GPHN: variants seen among roughly 807,000 people sequenced by gnomAD.
GPHN encodes gephyrin.
A neutral mutation model predicts 95.5 loss-of-function variants in GPHN; 17 were observed. That is an observed-to-expected ratio of 0.18 (90% confidence interval 0.12 to 0.27). The LOEUF (loss-of-function observed/expected upper bound fraction) is 0.27, where lower values mean the gene tolerates loss of function less well. GPHN is among the 10% of genes least tolerant of loss of function. The pLI is 1.00. For missense variants in GPHN, 660 were observed against 978.1 expected (o/e 0.67, Z 4.34); for synonymous variants, 320 against 322.5 (o/e 0.99, Z 0.08).
chr14:67,490,624 T>C, the GPHN span, among the ~76,000 whole-genome samples: 1 of 152,146 alleles, frequency 6.6e-6, no homozygotes. Context: ...TATAACTATT[T>C]AAGGTAAGCT....
chr14:67,340,242 C>A, the GPHN span: 1 of 499,680 alleles, frequency 2.0e-6, no homozygotes, highest in East Asian at 3.1e-5. Flanking sequence ...TTTGGAAATG[C>A]CATGTTATAG....
At position 67,121,578 on chromosome 14, in the gene GPHN, A is replaced by G. The variant is rs556704654; in HGVS notation, c.1627-678A>G. ...GAATCCAAAGCTCTTCCTACTCTAC[A>G]ATCTGACTACCTCATTGGAACATCC... On this transcript the variant is annotated intron_variant, in intron 16 of 22. Coordinates refer to ENST00000478722, the MANE Select transcript of GPHN (RefSeq NM_020806.5). 6.2e-4 allele frequency among the ~76,000 whole-genome samples: 94 copies of G among 152,288 alleles called. No individual in the cohort carries two copies. In the Middle Eastern group the frequency reaches 0.027, roughly 44 times the overall value.
the GPHN span, chr14:67,446,146 C>T: frequency 2.2e-6 from 1 of 459,144 alleles, no homozygotes; most frequent in Admixed American, 2.6e-5. Context: ...CCAGTTTTAG[C>T]TTGGCTTTTT....
the GPHN span, among the ~76,000 whole-genome samples, chr14:67,529,562 C>T: frequency 7.3e-4 from 111 of 152,250 alleles, no homozygotes; most frequent in African/African-American, 2.3e-3. Context: ...CACATATACA[C>T]GCTCACACAC....
At chr14:66,539,272 A>G (rs2059258006) in intron 1 of GPHN, among the ~76,000 whole-genome samples, 2 of 151,662 alleles carry the variant, frequency 1.3e-5, no homozygotes, top group African/African-American at 4.8e-5. Flanking sequence ...ACTGAGGGAG[A>G]TTTCACTCTG....
chr14:67,729,314 G>C, the GPHN span: 1 of 1,600,866 alleles, frequency 6.2e-7, no homozygotes, highest in Non-Finnish European at 8.5e-7. Flanking sequence ...GCACGGGAGG[G>C]GGCGCAGACC....
At chr14:67,715,244 T>C in the GPHN span, 2 of 151,908 alleles carry the variant, frequency 1.3e-5, no homozygotes, top group African/African-American at 4.8e-5. Context: ...GCCCCCTAAA[T>C]TGAATAGACT....
intron 10 of GPHN, among the ~76,000 whole-genome samples, chr14:67,046,992 G>A (rs189430242): frequency 1.7e-4 from 26 of 152,174 alleles, no homozygotes; most frequent in African/African-American, 5.8e-4. Context: ...AGTTTCCTAG[G>A]AAAGCTATTC....
intron 5 of GPHN, among the ~76,000 whole-genome samples, chr14:66,891,460 TGGAC>T (rs1049338892): frequency 6.6e-6 from 1 of 152,084 alleles, no homozygotes; most frequent in African/African-American, 2.4e-5. Flanking sequence ...AGAATGAAGT[TGGAC>T]CTTTGCCTAC....
intron 1 of GPHN, among the ~76,000 whole-genome samples, chr14:66,582,395 T>G (rs1421589069): frequency 6.6e-6 from 1 of 152,016 alleles, no homozygotes; most frequent in African/African-American, 2.4e-5. Flanking sequence ...TTATTTTATT[T>G]TATTTTACTT....
At chr14:66,996,324 C>T in intron 9 of GPHN, 3 of 768,730 alleles carry the variant, frequency 3.9e-6, no homozygotes, top group Middle Eastern at 2.2e-4. Context: ...TTGCACTTTG[C>T]ACTTGCCTGA....
chr14:66,735,517 A>G (rs2072183116), intron 2 of GPHN, among the ~76,000 whole-genome samples: 3 of 152,128 alleles, frequency 2.0e-5, no homozygotes, highest in Non-Finnish European at 4.4e-5. Context: ...TTTACTTTCA[A>G]TTTGTATCTA....
chr14:67,576,385 C>T, the GPHN span: 1 of 1,546,864 alleles, frequency 6.5e-7, no homozygotes, highest in Admixed American at 1.7e-5. This position sits in a 1 kb window ranked among gnomAD's most constrained non-coding sequence, Gnocchi z 4.0. Flanking sequence ...GGCTTTCCGC[C>T]CTCTTCCAGG....
intron 6 of GPHN, among the ~76,000 whole-genome samples, chr14:66,919,620 A>G (rs2066099579): frequency 6.6e-6 from 1 of 152,176 alleles, no homozygotes; most frequent in African/African-American, 2.4e-5. Flanking sequence ...CTATTAAACA[A>G]TCTTGTGGCC....
At chr14:67,659,599 G>A in the GPHN span, 1 of 921,358 alleles carries the variant, frequency 1.1e-6, no homozygotes, top group South Asian at 2.1e-5. Flanking sequence ...GCAGAAAAGA[G>A]GATAAGGGTG....
chr14:67,465,415 A>C, the GPHN span, among the ~76,000 whole-genome samples: 1 of 128,726 alleles, frequency 7.8e-6, no homozygotes, highest in South Asian at 2.3e-4. Context: ...CAAACCACAA[A>C]AGGTTTGTAA....
the GPHN span, chr14:67,590,019 C>A: frequency 2.7e-6 from 4 of 1,498,214 alleles, no homozygotes; most frequent in Non-Finnish European, 1.8e-6. Context: ...GGAAAACCAG[C>A]CCCTATGGCT....
At chr14:66,654,783 A>G (rs1345648287) in intron 1 of GPHN, among the ~76,000 whole-genome samples, 3 of 152,110 alleles carry the variant, frequency 2.0e-5, no homozygotes, top group Non-Finnish European at 2.9e-5. Context: ...ATAGTTTTAC[A>G]CTTCATATTT....
rs192556561 is a variant in GPHN, at chr14:66,915,367, C to T, written c.390-636C>T. On this transcript the variant is annotated intron_variant, in intron 5 of 22. Transcript: ENST00000478722. ...CATATGAAAATCTAGGCCTTTGCTC[C>T]TTGACTCCAGTCTTCCACTGCTTTT... Among the ~76,000 whole-genome samples the T allele has an allele frequency of 9.9e-4, 151 of 152,246 alleles. 1 individual carries two copies. The Middle Eastern group carries it at 0.017, about 17-fold the overall frequency.
Sources: gnomAD v4.1 joint callset for allele counts (sites outside exome capture counted in the v4.1 genomes callset) on GRCh38, gnomAD v4.1.1 for gene constraint, Gnocchi (gnomAD v3.1) non-coding constraint, MANE v1.5 for transcripts, NCBI Gene and HGNC (gene_info 2026-07-23, HGNC 2026-07-21) for gene names.